Variants in TOX observed in about 807,000 individuals in gnomAD.
TOX encodes thymocyte selection-associated high mobility group box protein TOX.
TOX carries 11 observed loss-of-function variants against 53.7 expected under a neutral mutation model. The ratio of observed to expected loss-of-function variants is 0.20; its 90% CI spans 0.13 to 0.34. The LOEUF (loss-of-function observed/expected upper bound fraction) is 0.34. Ranked by LOEUF, TOX falls within the 10% of genes least tolerant of loss-of-function variation. The pLI, the probability that TOX is intolerant of heterozygous loss-of-function variation, is 1.00. For synonymous variants in TOX, 225 were observed against 245.3 expected (o/e 0.92, Z 0.77); for missense variants, 570 against 664.6 (o/e 0.86, Z 1.56).
At chr8:58,822,582 T>C (rs1810300397) in intron 6 of TOX, among the ~76,000 whole-genome samples, 1 of 152,214 alleles carries the variant, frequency 6.6e-6, no homozygotes, top group African/African-American at 2.4e-5. Flanking sequence ...AGCAGTGCTT[T>C]CCAAACATTC....
At chr8:59,064,635 G>C (rs781691630) in intron 1 of TOX, among the ~76,000 whole-genome samples, 1 of 151,528 alleles carries the variant, frequency 6.6e-6, no homozygotes, top group Non-Finnish European at 1.5e-5. Flanking sequence ...ACTATTCTAG[G>C]GAACATGAAA....
chr8:58,914,861 G>A (rs62505155), intron 3 of TOX, among the ~76,000 whole-genome samples: 11,511 of 151,938 alleles, frequency 0.076, 614 homozygotes, highest in Admixed American at 0.17. Context: ...TGCGCGAGCC[G>A]AAGCAGGGCG....
At chr8:59,057,207 C>T (rs1803902387) in intron 1 of TOX, among the ~76,000 whole-genome samples, 1 of 151,826 alleles carries the variant, frequency 6.6e-6, no homozygotes, top group Admixed American at 6.6e-5. Context: ...AAATATGATT[C>T]AGGGAAAATA....
rs199871681 is a variant in TOX at position 58,994,421 on chromosome 8, C to T, written c.103-34413G>A. Among the ~76,000 whole-genome samples the T allele has an allele frequency of 1.5e-3, 127 of 86,526 alleles. No homozygotes were observed. In the East Asian group the frequency reaches 0.036, roughly 25 times the overall value. 56.8% of individuals were successfully genotyped at this position (86,526 alleles called of 152,430 possible). ...GTGTGTGTGTGTGTGTGTGTGTGTG[C>T]GCGCGCGCATGTGTGTGTATTTTTT... On this transcript the variant is annotated intron_variant, in intron 1 of 8. Coordinates refer to ENST00000361421, the MANE Select transcript of TOX (RefSeq NM_014729.3).
intron 1 of TOX, among the ~76,000 whole-genome samples, chr8:59,045,642 T>C (rs772115186): frequency 6.6e-6 from 1 of 152,170 alleles, no homozygotes. Flanking sequence ...TCCCAACCCA[T>C]TGGGAGGCAA....
intron 1 of TOX, among the ~76,000 whole-genome samples, chr8:59,052,754 T>C (rs1385081427): frequency 6.6e-6 from 1 of 152,180 alleles, no homozygotes; most frequent in African/African-American, 2.4e-5. Flanking sequence ...ATTAGTAGGA[T>C]TGGCAAGACA....
intron 4 of TOX, among the ~76,000 whole-genome samples, chr8:58,844,551 G>A (rs1170165263): frequency 2.0e-5 from 3 of 152,040 alleles, no homozygotes; most frequent in Non-Finnish European, 4.4e-5. Context: ...TAATCTTCAC[G>A]TCCTTCATAG....
At chr8:59,013,333 A>G (rs1813946060) in intron 1 of TOX, among the ~76,000 whole-genome samples, 1 of 152,092 alleles carries the variant, frequency 6.6e-6, no homozygotes. Flanking sequence ...AACATAAAGT[A>G]TGAGGCTTCA....
At chr8:59,031,993 T>G (rs775018022) in intron 1 of TOX, among the ~76,000 whole-genome samples, 3 of 152,210 alleles carry the variant, frequency 2.0e-5, no homozygotes, top group Non-Finnish European at 4.4e-5. Context: ...ATGCTTAATG[T>G]TTTCTCTCTC....
intron 3 of TOX, among the ~76,000 whole-genome samples, chr8:58,931,653 T>C (rs562013948): frequency 4.6e-5 from 7 of 152,346 alleles, no homozygotes; most frequent in African/African-American, 1.7e-4. Context: ...AGGAAAGTTA[T>C]GGAATCTTGG....
At chr8:59,047,213 T>TC (rs1803704154) in intron 1 of TOX, among the ~76,000 whole-genome samples, 3 of 111,456 alleles carry the variant, frequency 2.7e-5, no homozygotes, top group Middle Eastern at 4.6e-3. Flanking sequence ...GTTTTTTTTT[T>TC]TTTTTTTTTT....
At chr8:58,973,498 A>G (rs1476126786) in intron 1 of TOX, among the ~76,000 whole-genome samples, 1 of 152,216 alleles carries the variant, frequency 6.6e-6, no homozygotes, top group Non-Finnish European at 1.5e-5. Flanking sequence ...TTTTCTCCAT[A>G]AAACTCCTTT....
At chr8:58,966,870 A>AT (rs1812910938) in intron 1 of TOX, among the ~76,000 whole-genome samples, 3 of 129,444 alleles carry the variant, frequency 2.3e-5, no homozygotes, top group South Asian at 2.7e-4. Flanking sequence ...GATTCAAGTT[A>AT]TTCTTTTTTT....
At chr8:59,073,566 GT>G (rs985694506) in intron 1 of TOX, among the ~76,000 whole-genome samples, 3 of 151,702 alleles carry the variant, frequency 2.0e-5, no homozygotes, top group Non-Finnish European at 4.4e-5. Flanking sequence ...TTTTAATCTT[GT>G]TTTTTTGTTT....
intron 3 of TOX, among the ~76,000 whole-genome samples, chr8:58,929,845 T>C (rs1413446087): frequency 6.6e-6 from 1 of 152,190 alleles, no homozygotes; most frequent in Non-Finnish European, 1.5e-5. Flanking sequence ...CCCAAGACTT[T>C]GGAAGACTAG....
At chr8:58,946,968 G>T (rs1289425792) in intron 2 of TOX, among the ~76,000 whole-genome samples, 1 of 151,774 alleles carries the variant, frequency 6.6e-6, no homozygotes, top group South Asian at 2.1e-4. Context: ...TGCATTTATG[G>T]GTATTTGTTG....
intron 1 of TOX, among the ~76,000 whole-genome samples, chr8:59,109,001 T>A (rs1804964299): frequency 6.6e-6 from 1 of 152,194 alleles, no homozygotes; most frequent in African/African-American, 2.4e-5. Context: ...ATTATTGCTT[T>A]CTTATGCCAA....
At chr8:58,862,986 A>T (rs760853472) in intron 3 of TOX, among the ~76,000 whole-genome samples, 17 of 152,172 alleles carry the variant, frequency 1.1e-4, no homozygotes, top group Non-Finnish European at 1.8e-4. Context: ...ATAAGGTTTT[A>T]ATAGTGACTG....
At chr8:58,808,071 T>G in intron 8 of TOX, 47 bp downstream of exon 8, 2 of 1,575,404 alleles carry the variant, frequency 1.3e-6, no homozygotes, top group Non-Finnish European at 1.7e-6. Flanking sequence ...ACGATATGCA[T>G]GCTATGAGCG....
Sources: gnomAD v4.1 joint callset for allele counts (sites outside exome capture counted in the v4.1 genomes callset) on GRCh38, gnomAD v4.1.1 for gene constraint, MANE v1.5 for transcripts, NCBI Gene and HGNC (gene_info 2026-07-23, HGNC 2026-07-21) for gene names.